The following PDE1A variants were observed in gnomAD, a reference collection of about 807,000 sequenced individuals.
PDE1A encodes dual specificity calcium/calmodulin-dependent 3',5'-cyclic nucleotide phosphodiesterase 1A.
PDE1A carries 35 observed loss-of-function variants against 61.7 expected under a neutral mutation model. The ratio of observed to expected loss-of-function variants is 0.57; its 90% CI spans 0.43 to 0.75. The LOEUF (loss-of-function observed/expected upper bound fraction) is 0.75, where lower values mean the gene tolerates loss of function less well. Among genes scored for constraint, PDE1A ranks in the 30% least tolerant of loss-of-function variants. PDE1A has a pLI of 0.00. For synonymous variants in PDE1A, 232 were observed against 213.2 expected (o/e 1.09, Z -0.77); for missense variants, 597 against 630.6 (o/e 0.95, Z 0.57).
At chr2:182,639,370 C>A in the PDE1A span, among the ~76,000 whole-genome samples, 14 of 152,094 alleles carry the variant, frequency 9.2e-5, no homozygotes, top group African/African-American at 3.1e-4. Context: ...GAGTTCGAGA[C>A]CAGCCTGGCC....
the PDE1A span, among the ~76,000 whole-genome samples, chr2:182,625,496 G>T: frequency 2.0e-5 from 3 of 152,168 alleles, no homozygotes; most frequent in Admixed American, 6.5e-5. Flanking sequence ...TTGCCTACAT[G>T]CAGAGACCAT....
chr2:182,258,426 G>A (rs1321389751), intron 2 of PDE1A, among the ~76,000 whole-genome samples: 1 of 152,130 alleles, frequency 6.6e-6, no homozygotes, highest in African/African-American at 2.4e-5. Flanking sequence ...ACAGACTGGT[G>A]AAATAAGTAA....
chr2:182,374,571 TCAGA>T (rs1700288047), intron 1 of PDE1A, among the ~76,000 whole-genome samples: 1 of 152,160 alleles, frequency 6.6e-6, no homozygotes, highest in Non-Finnish European at 1.5e-5. Flanking sequence ...AAAAAATTCA[TCAGA>T]CATATATCTG....
the PDE1A span, among the ~76,000 whole-genome samples, chr2:182,656,356 C>T: frequency 1.3e-5 from 2 of 152,208 alleles, no homozygotes; most frequent in Non-Finnish European, 2.9e-5. Context: ...TGGTTTGACT[C>T]TATCTTACTT....
intron 1 of PDE1A, among the ~76,000 whole-genome samples, chr2:182,278,446 T>C (rs1014082857): frequency 2.6e-5 from 4 of 152,016 alleles, no homozygotes; most frequent in Non-Finnish European, 4.4e-5. Flanking sequence ...GACTAAGATA[T>C]AGAGAAAGTT....
intron 7 of PDE1A, among the ~76,000 whole-genome samples, chr2:182,210,781 T>C (rs1188530682): frequency 6.6e-6 from 1 of 152,190 alleles, no homozygotes; most frequent in Admixed American, 6.5e-5. Context: ...ATTTTATAGA[T>C]TTTTGTTTTA....
chr2:182,147,036 C>T, exon 14 of PDE1A: 2 of 1,232,922 alleles, frequency 1.6e-6, no homozygotes, highest in East Asian at 2.4e-5. Flanking sequence ...ATAAAATTAC[C>T]TCTCATGTTT....
intron 2 of PDE1A, among the ~76,000 whole-genome samples, chr2:182,447,445 C>T (rs540395966): frequency 1.3e-5 from 2 of 152,004 alleles, no homozygotes; most frequent in African/African-American, 4.8e-5. Flanking sequence ...CATGAGGAGC[C>T]CTTTTTGCTG....
intron 1 of PDE1A, among the ~76,000 whole-genome samples, chr2:182,350,398 G>T (rs965426128): frequency 2.6e-5 from 4 of 152,166 alleles, no homozygotes; most frequent in African/African-American, 9.7e-5. Flanking sequence ...TGCTGGGGAT[G>T]CTTATATCCT....
downstream of PDE1A, among the ~76,000 whole-genome samples, chr2:182,166,991 G>GA (rs1295791523): frequency 6.6e-6 from 1 of 152,042 alleles, no homozygotes; most frequent in African/African-American, 2.4e-5. Flanking sequence ...ACCTTAAACT[G>GA]AATTATGTAG....
At chr2:182,385,980 C>T (rs1369181306) in intron 1 of PDE1A, among the ~76,000 whole-genome samples, 1 of 152,226 alleles carries the variant, frequency 6.6e-6, no homozygotes, top group Admixed American at 6.5e-5. Flanking sequence ...CTGCCTCAGC[C>T]TGCCGAGTGC....
At chr2:182,303,958 T>C (rs529907731) in intron 1 of PDE1A, among the ~76,000 whole-genome samples, 1 of 152,274 alleles carries the variant, frequency 6.6e-6, no homozygotes, top group African/African-American at 2.4e-5. Flanking sequence ...TGGAGTGCAG[T>C]GGCAAGATCT....
chr2:182,386,731 G>A (rs1701119237), intron 1 of PDE1A, among the ~76,000 whole-genome samples: 1 of 151,996 alleles, frequency 6.6e-6, no homozygotes, highest in African/African-American at 2.4e-5. Flanking sequence ...CCGCCCGGCA[G>A]CCACCTCGTC....
chr2:182,291,586 T>C (rs1483912338), intron 1 of PDE1A, among the ~76,000 whole-genome samples: 2 of 152,154 alleles, frequency 1.3e-5, no homozygotes, highest in African/African-American at 4.8e-5. Flanking sequence ...AGAAAAAATA[T>C]ACCAATTCCC....
chr2:182,658,972 G>T, the PDE1A span, among the ~76,000 whole-genome samples: 1 of 152,048 alleles, frequency 6.6e-6, no homozygotes, highest in African/African-American at 2.4e-5. Flanking sequence ...TATTGACAGG[G>T]ACTGGAACAC....
chr2:182,150,557 G>A (rs1690724442), intron 13 of PDE1A, among the ~76,000 whole-genome samples: 1 of 152,184 alleles, frequency 6.6e-6, no homozygotes, highest in African/African-American at 2.4e-5. Flanking sequence ...GAAAAACAGT[G>A]AAAATAAAGG....
exon 12 of PDE1A, chr2:182,186,469 T>A: frequency 1.2e-6 from 2 of 1,611,298 alleles, no homozygotes; most frequent in Middle Eastern, 1.7e-4. Flanking sequence ...ATATCATACC[T>A]GCTTGCCACA....
At chr2:182,675,769 CTGTTCA>C in the PDE1A span, among the ~76,000 whole-genome samples, 1 of 152,022 alleles carries the variant, frequency 6.6e-6, no homozygotes, top group African/African-American at 2.4e-5. Flanking sequence ...TGAGAAGTGT[CTGTTCA>C]TGTTTTTTGC....
intron 2 of PDE1A, among the ~76,000 whole-genome samples, chr2:182,495,247 C>G (rs1688641459): frequency 6.6e-6 from 1 of 152,176 alleles, no homozygotes; most frequent in African/African-American, 2.4e-5. Flanking sequence ...GTAAGGGTAC[C>G]TGCATACTGA....
Sources: gnomAD v4.1 joint callset for allele counts (sites outside exome capture counted in the v4.1 genomes callset) on GRCh38, gnomAD v4.1.1 for gene constraint, MANE v1.5 for transcripts, NCBI Gene and HGNC (gene_info 2026-07-23, HGNC 2026-07-21) for gene names.